The following MALRD1 variants were observed in gnomAD, a reference collection of about 807,000 sequenced individuals.
MALRD1 encodes the protein MAM and LDL receptor class A domain containing 1, also known as MAM and LDL-receptor class A domain-containing protein 1.
MALRD1 carries 247 observed loss-of-function variants against 242.1 expected under a neutral mutation model. The ratio of observed to expected loss-of-function variants is 1.02; its 90% CI spans 0.92 to 1.13. The LOEUF is 1.13. Among genes scored for constraint, MALRD1 ranks in the 50% most tolerant of loss-of-function variants. The pLI is 0.00. For synonymous variants in MALRD1, 995 were observed against 866.6 expected, an observed-to-expected ratio of 1.15 and a Z score of -2.60; for missense variants, 2,989 against 2,533.1, an observed-to-expected ratio of 1.18 and a Z score of -3.86.
chr10:19,379,243 A>G (rs1013681134), intron 26 of MALRD1, among the ~76,000 whole-genome samples: 3 of 152,032 alleles, frequency 2.0e-5, no homozygotes, highest in East Asian at 3.9e-4. Context: ...GATATGTGCA[A>G]CTAAACAGCT....
At chr10:19,625,379 C>T (rs73595872) in intron 36 of MALRD1, among the ~76,000 whole-genome samples, 4,159 of 152,066 alleles carry the variant, frequency 0.027, 166 homozygotes, top group African/African-American at 0.094. Flanking sequence ...TTGCTTTTGC[C>T]TATTTTACGC....
chr10:19,290,049 A>G (rs1841333742), intron 21 of MALRD1, among the ~76,000 whole-genome samples: 1 of 152,186 alleles, frequency 6.6e-6, no homozygotes, highest in Non-Finnish European at 1.5e-5. Context: ...TAAAGAAGCC[A>G]CAGTATGGTA....
intron 38 of MALRD1, among the ~76,000 whole-genome samples, chr10:19,724,207 C>G (rs1021504937): frequency 6.6e-6 from 1 of 152,088 alleles, no homozygotes; most frequent in Non-Finnish European, 1.5e-5. Flanking sequence ...CACTAAGCAG[C>G]CTGAGCAGTT....
chr10:19,271,801 A>G (rs1840260528), intron 19 of MALRD1, among the ~76,000 whole-genome samples: 1 of 152,132 alleles, frequency 6.6e-6, no homozygotes, highest in Admixed American at 6.6e-5. Flanking sequence ...TCACATAACA[A>G]CCTAATGAAA....
At position 19,491,542 on chromosome 10, in the gene MALRD1, G is replaced by A. The variant is rs116657979; in HGVS notation, c.5055G>A (p.Pro1685=). 6.7e-4 allele frequency: 1,044 copies of A among 1,549,920 alleles called. 6 individuals are homozygous for A. Among genetic ancestry groups the A allele is most frequent in the African/African-American group, 6.3e-3 (458 of 73,118 alleles). The change falls in exon 30 of 40, where the codon CCG becomes CCA. Residue 1685 remains proline (P), a synonymous_variant. Coordinates refer to ENST00000454679, the MANE Select transcript of MALRD1 (RefSeq NM_001142308.3). ...TGGGAGAGATCTCTGAGCTTTGTCC[G>A]GAAATCACTGATTTTTTGTGCCGGG... The part of the protein sequence containing the change: ...TTVGEISELC[P]EITDFLCRDK...
At chr10:19,486,324 T>C (rs1453190575) in intron 29 of MALRD1, among the ~76,000 whole-genome samples, 2 of 152,102 alleles carry the variant, frequency 1.3e-5, no homozygotes, top group Non-Finnish European at 2.9e-5. Flanking sequence ...CTTTGAGTCT[T>C]TGATAGTTAA....
intron 31 of MALRD1, among the ~76,000 whole-genome samples, chr10:19,503,358 AT>A (rs1838060557): frequency 6.6e-6 from 1 of 152,316 alleles, no homozygotes; most frequent in South Asian, 2.1e-4. Flanking sequence ...TTAAAATTGT[AT>A]TTATGGACCT....
chr10:19,627,702 G>T (rs190884441), intron 36 of MALRD1, among the ~76,000 whole-genome samples: 1 of 148,498 alleles, frequency 6.7e-6, no homozygotes, highest in African/African-American at 2.5e-5. Flanking sequence ...CAGAGGTTTC[G>T]CAGTGAGCCG....
At chr10:19,333,566 A>G (rs561577237) in intron 24 of MALRD1, among the ~76,000 whole-genome samples, 95 of 152,260 alleles carry the variant, frequency 6.2e-4, no homozygotes, top group African/African-American at 2.3e-3. Flanking sequence ...ACCTGGATCG[A>G]TTCCATGTCT....
intron 24 of MALRD1, among the ~76,000 whole-genome samples, chr10:19,335,199 T>TG (rs904702731): frequency 4.7e-5 from 7 of 150,160 alleles, no homozygotes; most frequent in East Asian, 1.9e-4. Context: ...TTTGTTTTTT[T>TG]TTTTTTTTAG....
At chr10:19,133,726 T>G in intron 8 of MALRD1, 130 bp from the exon 9 acceptor site, 1 of 409,032 alleles carries the variant, frequency 2.4e-6, no homozygotes, top group Non-Finnish European at 4.2e-6. Flanking sequence ...CTACCAAGAC[T>G]TTAGATTTCC....
chr10:19,084,037 GC>G (rs1416969750), intron 2 of MALRD1, among the ~76,000 whole-genome samples: 2 of 151,892 alleles, frequency 1.3e-5, no homozygotes, highest in Non-Finnish European at 2.9e-5. Flanking sequence ...GACTCACATA[GC>G]CCTTTGTCAC....
intron 32 of MALRD1, among the ~76,000 whole-genome samples, chr10:19,552,724 ATTATT>A (rs1292217410): frequency 6.6e-6 from 1 of 151,166 alleles, no homozygotes; most frequent in Non-Finnish European, 1.5e-5. Context: ...AAAGAAAAAA[ATTATT>A]TTGTTTTTCT....
chr10:19,708,185 A>G (rs943259928), intron 38 of MALRD1, among the ~76,000 whole-genome samples: 1 of 120,706 alleles, frequency 8.3e-6, no homozygotes, highest in African/African-American at 2.6e-5. Flanking sequence ...AATAATGTTG[A>G]TAATATATAT....
At chr10:19,452,148 G>A (rs1471068770) in intron 29 of MALRD1, among the ~76,000 whole-genome samples, 1 of 152,158 alleles carries the variant, frequency 6.6e-6, no homozygotes, top group East Asian at 1.9e-4. Context: ...CTTTCTCTAA[G>A]ATTTTAGAAA....
Position 19,692,480 on chromosome 10 carries a change from T to A in MALRD1, c.6240T>A (p.Ile2080=). ...AQNNTWTLLG[I]GLAFLMTHIT... is the part of the protein sequence containing the mutation. ...CAGATACATGGACTCTCCTGGGTAT[T>A]GGATTAGCATTCCTGATGACTCACA... The change falls in exon 38 of 40, where the codon ATT becomes ATA. Residue 2080 remains isoleucine (I), a synonymous_variant. Coordinates refer to ENST00000454679, the MANE Select transcript of MALRD1 (RefSeq NM_001142308.3). The A allele has an allele frequency of 6.5e-7, 1 of 1,535,854 alleles. No homozygotes were observed. The highest frequency in any genetic ancestry group is 2.4e-5 in the East Asian group (1 of 40,826).
rs562713118 is a variant in MALRD1, at chr10:19,643,505, C to G, written c.6137+27582C>G. On this transcript the variant is annotated intron_variant, in intron 36 of 39. Coordinates refer to ENST00000454679, the MANE Select transcript of MALRD1 (RefSeq NM_001142308.3). ...TGTGTTTATTATTTATTCAATTAAC[C>G]AAAGTTAATTGATTAATTGACTAAA... Among the ~76,000 whole-genome samples the G allele has an allele frequency of 1.1e-4, 16 of 151,348 alleles. No individual in the cohort carries two copies. In the South Asian group the frequency reaches 3.1e-3, roughly 30 times the overall value.
chr10:19,185,629 T>C (rs1835704922), intron 14 of MALRD1, among the ~76,000 whole-genome samples: 1 of 152,324 alleles, frequency 6.6e-6, no homozygotes, highest in Non-Finnish European at 1.5e-5. Context: ...CAGAGATGCA[T>C]AATAGAGACA....
At chr10:19,298,813 A>G (rs552356553) in intron 21 of MALRD1, among the ~76,000 whole-genome samples, 53 of 152,100 alleles carry the variant, frequency 3.5e-4, no homozygotes, top group African/African-American at 1.3e-3. Flanking sequence ...TCCATATTTA[A>G]GATGTTTTGC....
Sources: gnomAD v4.1 joint callset for allele counts (sites outside exome capture counted in the v4.1 genomes callset) on GRCh38, gnomAD v4.1.1 for gene constraint, MANE v1.5 for transcripts, NCBI Gene and HGNC (gene_info 2026-07-23, HGNC 2026-07-21) for gene names.